Variants in GABRA4 observed in about 807,000 individuals in gnomAD.
GABRA4 encodes gamma-aminobutyric acid type A receptor subunit alpha4.
GABRA4 carries 12 observed loss-of-function variants against 49.7 expected under a neutral mutation model. That is an observed-to-expected ratio of 0.24 (90% CI 0.15 to 0.39). The LOEUF (loss-of-function observed/expected upper bound fraction) is 0.39, where lower values mean the gene tolerates loss of function less well. GABRA4 is among the 10% of genes least tolerant of loss of function. The pLI is 1.00. For synonymous variants in GABRA4, 288 were observed against 240.2 expected (o/e 1.20, Z -1.84); for missense variants, 506 against 686.0 (o/e 0.74, Z 2.93).
intron 8 of GABRA4, among the ~76,000 whole-genome samples, chr4:46,940,613 G>A (rs779847047): frequency 9.9e-5 from 15 of 151,798 alleles, no homozygotes; most frequent in East Asian, 1.9e-4. Context: ...CTATTAACAC[G>A]ATTCATTACA....
At chr4:46,964,852 T>A in intron 8 of GABRA4, 118 bp downstream of exon 8, 1 of 1,124,166 alleles carries the variant, frequency 8.9e-7, no homozygotes, top group Non-Finnish European at 1.3e-6. Flanking sequence ...TTTTTCTGTA[T>A]TTTTAAATGA....
At chr4:46,950,367 C>T (rs1011960762) in intron 8 of GABRA4, among the ~76,000 whole-genome samples, 17 of 152,002 alleles carry the variant, frequency 1.1e-4, no homozygotes, top group African/African-American at 3.9e-4. Flanking sequence ...GTCTTCAAAA[C>T]AAATAACCTA....
chr4:46,952,828 TGG>T (rs1226033329), intron 8 of GABRA4, among the ~76,000 whole-genome samples: 1 of 151,248 alleles, frequency 6.6e-6, no homozygotes, highest in Non-Finnish European at 1.5e-5. Flanking sequence ...GCGATATAAA[TGG>T]AAAAAAAAGA....
intron 8 of GABRA4, among the ~76,000 whole-genome samples, chr4:46,942,550 G>A (rs1015519185): frequency 6.6e-5 from 10 of 151,708 alleles, no homozygotes; most frequent in African/African-American, 1.7e-4. Context: ...GCTTGAACGC[G>A]GAAGGTGGAG....
At chr4:46,967,901 T>A (rs756402237) in intron 7 of GABRA4, among the ~76,000 whole-genome samples, 3 of 151,634 alleles carry the variant, frequency 2.0e-5, no homozygotes, top group Non-Finnish European at 4.4e-5. Flanking sequence ...GATTAAGATA[T>A]GCCAGCTGGC....
intron 8 of GABRA4, among the ~76,000 whole-genome samples, chr4:46,954,109 T>C (rs776787477): frequency 2.6e-4 from 39 of 152,146 alleles, no homozygotes; most frequent in Non-Finnish European, 5.1e-4. Context: ...CACAGTATAA[T>C]TGATGTTTTT....
chr4:46,942,211 A>C (rs991031670), intron 8 of GABRA4, among the ~76,000 whole-genome samples: 15 of 152,128 alleles, frequency 9.9e-5, no homozygotes, highest in Non-Finnish European at 1.5e-4. Flanking sequence ...TCTTTATGGA[A>C]CATCCACTCA....
intron 8 of GABRA4, among the ~76,000 whole-genome samples, chr4:46,939,398 T>A (rs1721715457): frequency 6.6e-6 from 1 of 152,034 alleles, no homozygotes; most frequent in African/African-American, 2.4e-5. Flanking sequence ...CAAAGGGTTT[T>A]CACAAATAAC....
At chr4:46,992,464 C>T (rs539507679) in intron 2 of GABRA4, among the ~76,000 whole-genome samples, 1 of 152,280 alleles carries the variant, frequency 6.6e-6, no homozygotes, top group African/African-American at 2.4e-5. Flanking sequence ...GCCTCCAATG[C>T]AACCTGCTCT....
intron 8 of GABRA4, among the ~76,000 whole-genome samples, chr4:46,932,786 C>T (rs1375231542): frequency 6.6e-6 from 1 of 152,180 alleles, no homozygotes; most frequent in Non-Finnish European, 1.5e-5. Context: ...AAAAAATTGC[C>T]TATACGTAGC....
intron 2 of GABRA4, among the ~76,000 whole-genome samples, chr4:46,989,910 G>C (rs564481762): frequency 3.9e-5 from 6 of 152,198 alleles, no homozygotes; most frequent in African/African-American, 1.4e-4. Context: ...CATCTGATTT[G>C]TGGTATCTAA....
At chr4:46,967,527 A>G (rs1722809077) in intron 7 of GABRA4, among the ~76,000 whole-genome samples, 1 of 151,604 alleles carries the variant, frequency 6.6e-6, no homozygotes, top group South Asian at 2.1e-4. Context: ...AGGAGGATAG[A>G]TCACCAGGTT....
intron 6 of GABRA4, among the ~76,000 whole-genome samples, chr4:46,973,900 G>T (rs911278747): frequency 6.6e-6 from 1 of 151,816 alleles, no homozygotes; most frequent in African/African-American, 2.4e-5. Flanking sequence ...ATCAAAAACC[G>T]AAAGCAGAAA....
chr4:46,977,740 C>T (rs527750409), intron 3 of GABRA4, 110 bp from the exon 4 acceptor site: 39 of 689,272 alleles, frequency 5.7e-5, no homozygotes, highest in Middle Eastern at 4.0e-4. Context: ...AAATACCACT[C>T]CAAATAAAAT....
intron 8 of GABRA4, among the ~76,000 whole-genome samples, chr4:46,935,134 T>C (rs1721565029): frequency 6.6e-6 from 1 of 152,194 alleles, no homozygotes; most frequent in Admixed American, 6.6e-5. Flanking sequence ...GAAGTGTTTT[T>C]CATTAGCTAT....
Position 46,925,758 on chromosome 4 carries a change from AT to A in GABRA4, c.*2466del, listed in dbSNP as rs1721205258. ...TATTATTATTATTATTATTATTATTATCATCATTATTATCATTGTGTGCAAA... is the reference window on the plus strand; with the variant it reads ...TATTATTATTATTATTATTATTATTACATCATTATTATCATTGTGTGCAAA... On this transcript the variant is annotated 3_prime_UTR_variant, in exon 9 of 9. Transcript: ENST00000264318. The A allele has an allele frequency of 4.2e-5, 2 of 48,164 alleles. No homozygotes were observed. Among genetic ancestry groups the A allele is most frequent in the Non-Finnish European group, 1.0e-4 (2 of 19,546 alleles). The allele number at this position is 48,164 out of a possible 1,614,324, so 3.0% of individuals were successfully genotyped here. A position where few individuals can be genotyped will look rare whatever the true frequency, so the allele number is the denominator to read the frequency against.
intron 8 of GABRA4, among the ~76,000 whole-genome samples, chr4:46,949,933 C>T (rs1186996700): frequency 6.6e-6 from 1 of 151,988 alleles, no homozygotes; most frequent in African/African-American, 2.4e-5. Flanking sequence ...GTTGGGGATG[C>T]TAAAATAACT....
Position 46,921,112 on chromosome 4 carries a change from T to C in GABRA4, c.*7113A>G, listed in dbSNP as rs1289197841. ...GATAACATTTTATTCAAAATTTCTT[T>C]TATATTACGCATGGGTATTTCTTTT... On this transcript the variant is annotated 3_prime_UTR_variant, in exon 9 of 9. Coordinates refer to ENST00000264318, the MANE Select transcript of GABRA4 (RefSeq NM_000809.4). The C allele has an allele frequency of 1.3e-5, 2 of 151,806 alleles. No individual in the cohort carries two copies. The highest frequency in any genetic ancestry group is 6.6e-5 in the Admixed American group (1 of 15,212). 9.4% of individuals were successfully genotyped at this position (151,806 alleles called of 1,614,324 possible). A position where few individuals can be genotyped will look rare whatever the true frequency, so the allele number is the denominator to read the frequency against.
chr4:46,947,850 A>C (rs1008871054), intron 8 of GABRA4, among the ~76,000 whole-genome samples: 1 of 151,960 alleles, frequency 6.6e-6, no homozygotes. Context: ...TTTTAATTTT[A>C]TCTCTCAAGG....
Sources: allele counts gnomAD v4.1 joint callset (sites outside exome capture counted in the v4.1 genomes callset), GRCh38; gene constraint gnomAD v4.1.1; transcripts MANE v1.5; gene names NCBI Gene and HGNC (gene_info 2026-07-23, HGNC 2026-07-21).